The following MYO5B variants were observed in gnomAD, a reference collection of about 807,000 sequenced individuals.
The protein encoded by MYO5B is unconventional myosin-Vb.
A neutral mutation model predicts 229.3 loss-of-function variants in MYO5B; 143 were observed. The observed-to-expected ratio is 0.62, with a 90% CI of 0.54 to 0.72. The LOEUF (loss-of-function observed/expected upper bound fraction) is 0.72. Ranked by LOEUF, MYO5B falls within the 30% of genes least tolerant of loss-of-function variation. The pLI, the probability that MYO5B is intolerant of heterozygous loss-of-function variation, is 0.00. For synonymous variants in MYO5B, 918 were observed against 885.2 expected (o/e 1.04, Z -0.66); for missense variants, 2,321 against 2,331.0 (o/e 1.00, Z 0.09).
chr18:50,188,051 T>A (rs2144359052), intron 1 of MYO5B, among the ~76,000 whole-genome samples: 1 of 152,366 alleles, frequency 6.6e-6, no homozygotes, highest in African/African-American at 2.4e-5. Context: ...TATGGTTATA[T>A]GACATGTTAA....
intron 1 of MYO5B, among the ~76,000 whole-genome samples, chr18:50,162,455 C>A (rs2032781029): frequency 6.6e-6 from 1 of 152,190 alleles, no homozygotes; most frequent in Non-Finnish European, 1.5e-5. Flanking sequence ...TGCTGATCTA[C>A]CAGCAAGTTC....
At chr18:50,177,882 G>A (rs1000843375) in intron 1 of MYO5B, among the ~76,000 whole-genome samples, 3 of 152,354 alleles carry the variant, frequency 2.0e-5, no homozygotes, top group African/African-American at 7.2e-5. Flanking sequence ...TGCCATGACA[G>A]CCAGGCAACC....
Position 50,170,320 on chromosome 18 carries a change from C to T in MYO5B, c.27+24447G>A, listed in dbSNP as rs185298488. Reference sequence around the variant, plus strand: ...GTTTTCCATCAGAAATGTACTATTTCGATAATACATTTTGACTTTTGACTA... The same window carrying T: ...GTTTTCCATCAGAAATGTACTATTTTGATAATACATTTTGACTTTTGACTA... On this transcript the variant is annotated intron_variant, in intron 1 of 39. Coordinates refer to ENST00000285039, the MANE Select transcript of MYO5B (RefSeq NM_001080467.3). Among the ~76,000 whole-genome samples, 11 of 126,840 alleles carry T rather than the reference C, an allele frequency of 8.7e-5. 4 individuals carry two copies. The highest frequency in any genetic ancestry group is 1.7e-5 in the Non-Finnish European group (1 of 59,626). 83.2% of individuals were successfully genotyped at this position (126,840 alleles called of 152,430 possible).
intron 9 of MYO5B, among the ~76,000 whole-genome samples, chr18:49,975,074 T>C (rs2025735084): frequency 6.6e-6 from 1 of 152,180 alleles, no homozygotes; most frequent in Non-Finnish European, 1.5e-5. Flanking sequence ...TCACACCAAA[T>C]GCAGTTTGCA....
At chr18:50,121,861 C>G (rs2032062789) in intron 1 of MYO5B, among the ~76,000 whole-genome samples, 2 of 152,210 alleles carry the variant, frequency 1.3e-5, no homozygotes. Flanking sequence ...CTGCCAGGAC[C>G]CCATGCAACT....
rs531982321 is a variant in MYO5B at position 49,933,405 on chromosome 18, C to CA, written c.2003+2846dup. Among the ~76,000 whole-genome samples, 56 of 152,320 alleles carry CA rather than the reference C, an allele frequency of 3.7e-4. No homozygotes were observed. The South Asian group carries it at 6.4e-3, about 17-fold the overall frequency. ...CAGACAATTCCTTAAGCATAGGGGA[C>CA]ATGTCTTATTGTCATTCTACCTGTC... On this transcript the variant is annotated intron_variant, in intron 16 of 39. Coordinates refer to ENST00000285039, the MANE Select transcript of MYO5B (RefSeq NM_001080467.3).
chr18:49,880,238 ATCT>A, intron 23 of MYO5B, 130 bp downstream of exon 23: 2 of 829,616 alleles, frequency 2.4e-6, no homozygotes, highest in South Asian at 1.3e-5. Flanking sequence ...ATTATTCTTC[ATCT>A]TCTTCTATTA....
chr18:49,953,417 C>A (rs1439756297), intron 13 of MYO5B, 74 bp from the exon 14 acceptor site: 1 of 1,328,388 alleles, frequency 7.5e-7, no homozygotes, highest in Non-Finnish European at 1.1e-6. Context: ...TCATCTCATC[C>A]AGGTAGCATT....
rs962079943 is a variant in MYO5B, at chr18:50,148,423, C to T, written c.27+46344G>A. On this transcript the variant is annotated intron_variant, in intron 1 of 39. Transcript: ENST00000285039. Reference sequence around the variant, plus strand: ...CCAATATCCTTGATGAACATTGATGCAAAAATCCTCAATAAAATACTGGCA... The same window carrying T: ...CCAATATCCTTGATGAACATTGATGTAAAAATCCTCAATAAAATACTGGCA... Among the ~76,000 whole-genome samples the T allele has an allele frequency of 2.6e-5, 4 of 151,516 alleles. No individual in the cohort carries two copies. In the South Asian group the frequency reaches 6.3e-4, roughly 24 times the overall value.
At chr18:49,869,600 G>A (rs575480767) in intron 27 of MYO5B, among the ~76,000 whole-genome samples, 3 of 152,298 alleles carry the variant, frequency 2.0e-5, no homozygotes, top group African/African-American at 7.2e-5. Context: ...CAGTGGAGAC[G>A]AGGCCTGTAA....
intron 1 of MYO5B, among the ~76,000 whole-genome samples, chr18:50,128,911 G>A (rs2032210043): frequency 6.6e-6 from 1 of 152,204 alleles, no homozygotes; most frequent in Non-Finnish European, 1.5e-5. Context: ...CCAATCAGCG[G>A]CTGCCGGCTG....
intron 17 of MYO5B, among the ~76,000 whole-genome samples, chr18:49,927,572 C>G (rs1417925423): frequency 6.6e-6 from 1 of 152,134 alleles, no homozygotes; most frequent in Non-Finnish European, 1.5e-5. Flanking sequence ...TGGAACAGAA[C>G]TGAGAACCCA....
rs535487548 is a variant in MYO5B, at chr18:50,180,034, T to C, written c.27+14733A>G. Among the ~76,000 whole-genome samples, 38 of 152,238 alleles carry C rather than the reference T, an allele frequency of 2.5e-4. No individual in the cohort carries two copies. The South Asian group carries it at 7.5e-3, about 30-fold the overall frequency. The stretch of plus-strand genomic sequence containing the variant: ...CCTCTAGGGCTGAAGATCTGACAGG[T>C]GGTCCTCAAAACCAGGATCTTAAGA... On this transcript the variant is annotated intron_variant, in intron 1 of 39. Transcript: ENST00000285039.
At chr18:49,956,571 G>A (rs780072210) in intron 12 of MYO5B, among the ~76,000 whole-genome samples, 8 of 152,078 alleles carry the variant, frequency 5.3e-5, no homozygotes, top group Non-Finnish European at 1.2e-4. Context: ...ACAGCCACAG[G>A]AGAAAGAAAA....
intron 35 of MYO5B, among the ~76,000 whole-genome samples, 178 bp downstream of exon 35, chr18:49,841,187 C>G (rs1418207157): frequency 6.6e-6 from 1 of 152,180 alleles, no homozygotes; most frequent in Non-Finnish European, 1.5e-5. Context: ...AGAGGCAGGT[C>G]TCCTGTGGCT....
chr18:49,958,348 A>G (rs556277501), intron 12 of MYO5B, among the ~76,000 whole-genome samples: 28 of 152,166 alleles, frequency 1.8e-4, no homozygotes, highest in African/African-American at 6.3e-4. Flanking sequence ...GCACTCTGCA[A>G]TTTCTCTTTC....
chr18:50,117,585 A>T (rs2031985477), intron 1 of MYO5B, among the ~76,000 whole-genome samples: 1 of 152,154 alleles, frequency 6.6e-6, no homozygotes, highest in African/African-American at 2.4e-5. Context: ...GAGAATTAGA[A>T]TACCTACTTG....
chr18:49,937,453 T>C (rs2025264204), intron 14 of MYO5B, 56 bp from the exon 15 acceptor site: 2 of 1,589,886 alleles, frequency 1.3e-6, no homozygotes, highest in Non-Finnish European at 1.7e-6. Context: ...CCTTACATGT[T>C]TCCTCTCAAA....
At chr18:49,916,911 A>G (rs2025022243) in intron 17 of MYO5B, among the ~76,000 whole-genome samples, 1 of 152,236 alleles carries the variant, frequency 6.6e-6, no homozygotes. Flanking sequence ...GTGAAGCTCA[A>G]GAGAATTTGT....
Sources: allele counts gnomAD v4.1 joint callset (sites outside exome capture counted in the v4.1 genomes callset), GRCh38; gene constraint gnomAD v4.1.1; transcripts MANE v1.5; gene names NCBI Gene and HGNC (gene_info 2026-07-23, HGNC 2026-07-21).